Variants in KDR observed in about 807,000 individuals in gnomAD.
The protein encoded by KDR is vascular endothelial growth factor receptor 2.
Under a neutral mutation model 160.9 loss-of-function variants are expected in KDR, and 43 were observed. The ratio of observed to expected loss-of-function variants is 0.27; its 90% confidence interval spans 0.21 to 0.34. The LOEUF (loss-of-function observed/expected upper bound fraction) is 0.34. Ranked by LOEUF, KDR falls within the 10% of genes least tolerant of loss-of-function variation. KDR has a pLI of 1.00. For missense variants in KDR, 1,469 were observed against 1,666.4 expected (o/e 0.88, Z 2.06); for synonymous variants, 617 against 600.1 (o/e 1.03, Z -0.41).
At chr4:55,091,203 T>C (rs1320029208) in intron 22 of KDR, among the ~76,000 whole-genome samples, 3 of 152,160 alleles carry the variant, frequency 2.0e-5, no homozygotes, top group Non-Finnish European at 4.4e-5. Context: ...AGCCAGGCAT[T>C]GCTGACCTTC....
At chr4:55,081,215 G>A (rs1314986527) in intron 29 of KDR, among the ~76,000 whole-genome samples, 1 of 151,918 alleles carries the variant, frequency 6.6e-6, no homozygotes, top group Admixed American at 6.6e-5. Context: ...TTTTTGGTAT[G>A]AGCATTATTC....
In KDR at chr4:55,108,865, C is replaced by G. The variant is rs562626638; in HGVS notation, c.1256-972G>C. 3.3e-5 allele frequency among the ~76,000 whole-genome samples: 5 copies of G among 152,128 alleles called. No homozygotes were observed. The South Asian group carries it at 1.0e-3, about 32-fold the overall frequency. ...AAAGCCTCAGATTATGCTTTGAAGACTTGACTTCTTTTTTATGTTTATTTC... is the reference window on the plus strand; with the variant it reads ...AAAGCCTCAGATTATGCTTTGAAGAGTTGACTTCTTTTTTATGTTTATTTC... On this transcript the variant is annotated intron_variant, in intron 9 of 29. Coordinates refer to ENST00000263923, the MANE Select transcript of KDR (RefSeq NM_002253.4).
At position 55,105,620 on chromosome 4, in the gene KDR, C is replaced by T. The variant is rs573469787; in HGVS notation, c.1645+212G>A. Among the ~76,000 whole-genome samples, 10 of 152,338 alleles carry T rather than the reference C, an allele frequency of 6.6e-5. No homozygotes were observed. The South Asian group carries it at 1.0e-3, about 16-fold the overall frequency. On this transcript the variant is annotated intron_variant, in intron 12 of 29. Transcript: ENST00000263923. Reference sequence around the variant, plus strand: ...TTTAAAGCATCTGTGAAACCATTCTCTCTCCAGTGTAGTTAGACGCACTGA... The same window carrying T: ...TTTAAAGCATCTGTGAAACCATTCTTTCTCCAGTGTAGTTAGACGCACTGA...
chr4:55,085,860 C>T (rs1032952677), intron 27 of KDR, among the ~76,000 whole-genome samples: 4 of 152,228 alleles, frequency 2.6e-5, no homozygotes, highest in Non-Finnish European at 5.9e-5. Flanking sequence ...TATCCAACAT[C>T]GTATTTGGTG....
chr4:55,095,716 A>C (rs1720135608), intron 19 of KDR, 51 bp from the exon 20 acceptor site: 4 of 1,333,740 alleles, frequency 3.0e-6, no homozygotes, highest in Non-Finnish European at 4.3e-6. Context: ...CATATTCCTC[A>C]CTAAGCGTTT....
chr4:55,086,277 G>A (rs1264947458), intron 27 of KDR, among the ~76,000 whole-genome samples: 1 of 152,156 alleles, frequency 6.6e-6, no homozygotes, highest in Admixed American at 6.5e-5. Flanking sequence ...CAGGTGCTTA[G>A]AAATAGATTA....
intron 27 of KDR, 81 bp from the exon 28 acceptor site, chr4:55,082,716 C>G (rs773471186): frequency 9.8e-7 from 1 of 1,017,410 alleles, no homozygotes; most frequent in Non-Finnish European, 1.5e-6. Flanking sequence ...ATCTTTCAAC[C>G]ACAAACTTAA....
At chr4:55,114,833 G>C (rs1188244920) in intron 5 of KDR, 41 bp downstream of exon 5, 2 of 1,489,386 alleles carry the variant, frequency 1.3e-6, no homozygotes, top group African/African-American at 2.8e-5. Context: ...CTTAATACAA[G>C]GATATGTTAT....
chr4:55,080,685 G>A (rs142977032), intron 29 of KDR, among the ~76,000 whole-genome samples: 25 of 152,266 alleles, frequency 1.6e-4, no homozygotes, highest in African/African-American at 5.3e-4. Context: ...CATATCAAAC[G>A]CTGCTTTTTA....
intron 1 of KDR, among the ~76,000 whole-genome samples, chr4:55,123,207 T>C (rs1720939934): frequency 6.6e-6 from 1 of 152,214 alleles, no homozygotes; most frequent in Non-Finnish European, 1.5e-5. Flanking sequence ...TTCATTTGGA[T>C]AACACAGATT....
At chr4:55,087,315 C>T (rs1040828041) in intron 27 of KDR, among the ~76,000 whole-genome samples, 1 of 152,218 alleles carries the variant, frequency 6.6e-6, no homozygotes, top group Non-Finnish European at 1.5e-5. Context: ...TTGTAAAACT[C>T]GTCTCTTTAT....
chr4:55,119,078 G>T (rs1310239907), intron 2 of KDR, among the ~76,000 whole-genome samples: 1 of 151,976 alleles, frequency 6.6e-6, no homozygotes, highest in East Asian at 1.9e-4. Context: ...GTGTGGTGGC[G>T]CATGCCTGTA....
In KDR at chr4:55,105,860, T is replaced by C; in HGVS notation, c.1617A>G (p.Gly539=). 1 of 1,612,754 alleles carries C rather than the reference T, an allele frequency of 6.2e-7. No individual in the cohort carries two copies. The highest frequency in any genetic ancestry group is 8.5e-7 in the Non-Finnish European group (1 of 1,178,818). ...TCACGTGGAAGGAGATCACCCTCTC[T>C]CCTCTCCCGACTTTGTTGACCGCTT... ...KCEAVNKVGR[G]ERVISFHVTR... Residue 539 remains glycine, a synonymous_variant, in exon 12 of 30, where the codon GGA becomes GGG. Transcript: ENST00000263923.
intron 23 of KDR, 25 bp from the exon 24 acceptor site, chr4:55,089,827 C>G (rs1719962304): frequency 6.2e-7 from 1 of 1,610,588 alleles, no homozygotes; most frequent in African/African-American, 1.3e-5. Flanking sequence ...GACAAGGATT[C>G]AGAACCCAAA....
At chr4:55,092,483 T>C (rs983874780) in intron 22 of KDR, 134 bp downstream of exon 22, 11 of 723,884 alleles carry the variant, frequency 1.5e-5, no homozygotes, top group Non-Finnish European at 2.3e-5. Flanking sequence ...GCCTCCCCAG[T>C]AGAGCTCTTC....
chr4:55,089,604 T>C, intron 24 of KDR, 87 bp downstream of exon 24: 1 of 1,374,210 alleles, frequency 7.3e-7, no homozygotes, highest in Non-Finnish European at 1.0e-6. Context: ...AAGTTTTGCC[T>C]GATAGACATG....
In KDR at chr4:55,099,528, A is replaced by G. The variant is rs925581363; in HGVS notation, c.2267-725T>C. ...AAATATTTCTATTTGAGGAAAACAA[A>G]AGTCTTCTTTTAAACTGATAGTCAA... On this transcript the variant is annotated intron_variant, in intron 15 of 29. Transcript: ENST00000263923. Among the ~76,000 whole-genome samples, 4 of 152,196 alleles carry G rather than the reference A, an allele frequency of 2.6e-5. No individual in the cohort carries two copies. The South Asian group carries it at 8.3e-4, about 32-fold the overall frequency.
At chr4:55,120,366 A>G (rs1720840219) in intron 2 of KDR, among the ~76,000 whole-genome samples, 1 of 152,124 alleles carries the variant, frequency 6.6e-6, no homozygotes, top group Admixed American at 6.5e-5. Flanking sequence ...TGTGATCACT[A>G]TGTTAAACCC....
At chr4:55,085,816 G>A (rs1719848407) in intron 27 of KDR, among the ~76,000 whole-genome samples, 1 of 152,160 alleles carries the variant, frequency 6.6e-6, no homozygotes, top group Non-Finnish European at 1.5e-5. Flanking sequence ...ATTTGTCCAC[G>A]CTTCTGGGGA....
Sources: gnomAD v4.1 joint callset for allele counts (sites outside exome capture counted in the v4.1 genomes callset) on GRCh38, gnomAD v4.1.1 for gene constraint, MANE v1.5 for transcripts, NCBI Gene and HGNC (gene_info 2026-07-23, HGNC 2026-07-21) for gene names.